Variants in FAM241A observed in about 807,000 individuals in gnomAD.
FAM241A encodes the protein uncharacterized protein FAM241A.
In FAM241A, 7 loss-of-function variants were observed where a neutral mutation model predicts 12.2. The observed-to-expected ratio is 0.58, with a 90% CI of 0.33 to 1.08. The LOEUF is 1.08. FAM241A is among the 50% of genes least tolerant of loss of function. The probability of loss-of-function intolerance (pLI) is 0.04; values close to 1 mark genes in which losing one functional copy is unlikely to be tolerated. For missense variants in FAM241A, 161 were observed against 169.7 expected (o/e 0.95, Z 0.29); for synonymous variants, 74 against 68.2 (o/e 1.08, Z -0.42).
At position 112,188,484 on chromosome 4, in the gene FAM241A, G is replaced by A. The variant is rs1014100792; in HGVS notation, c.*1546G>A. 1.3e-5 allele frequency: 2 copies of A among 152,128 alleles called. No individual in the cohort carries two copies. Among genetic ancestry groups the A allele is most frequent in the African/African-American group, 4.8e-5 (2 of 41,442 alleles). 9.4% of individuals were successfully genotyped at this position (152,128 alleles called of 1,614,324 possible). ...AGTATTGCACATTTATATAAATACAGTCCTTTTAAAATTTGACTTTTAAAA... is the reference window on the plus strand; with the variant it reads ...AGTATTGCACATTTATATAAATACAATCCTTTTAAAATTTGACTTTTAAAA... On this transcript the variant is annotated 3_prime_UTR_variant, in exon 2 of 2. Transcript: ENST00000309733.
intron 1 of FAM241A, among the ~76,000 whole-genome samples, chr4:112,179,520 G>A (rs937397109): frequency 6.6e-6 from 1 of 151,804 alleles, no homozygotes; most frequent in Non-Finnish European, 1.5e-5. Flanking sequence ...AGAACACTTG[G>A]ACACAGGAAG....
At chr4:112,164,050 T>C (rs936959872) in intron 1 of FAM241A, among the ~76,000 whole-genome samples, 2 of 138,378 alleles carry the variant, frequency 1.4e-5, no homozygotes, top group African/African-American at 5.5e-5. Flanking sequence ...CACTCATAGG[T>C]GGGAATTGAA....
chr4:112,194,517 C>T lies in FAM241A; in HGVS notation c.*7579C>T, dbSNP rs1305429688. On this transcript the variant is annotated 3_prime_UTR_variant, in exon 2 of 2. Transcript: ENST00000309733. ...AGATAGCTCTTATTATTTTGAGATA[C>T]GTCCCATCAATACCTGATTTATTGA... is the stretch of plus-strand genomic sequence containing the variant. 5 of 151,768 alleles carry T rather than the reference C, an allele frequency of 3.3e-5. No homozygotes were observed. The highest frequency in any genetic ancestry group is 2.1e-4 in the South Asian group (1 of 4,786). 9.4% of individuals were successfully genotyped at this position (151,768 alleles called of 1,614,324 possible).
intron 1 of FAM241A, among the ~76,000 whole-genome samples, chr4:112,148,573 A>G (rs893636729): frequency 6.6e-6 from 1 of 152,208 alleles, no homozygotes; most frequent in Non-Finnish European, 1.5e-5. Context: ...GGGAGAATGA[A>G]TCAAGTCCTG....
intron 1 of FAM241A, among the ~76,000 whole-genome samples, chr4:112,148,726 G>A (rs910079931): frequency 6.6e-6 from 1 of 152,226 alleles, no homozygotes; most frequent in Non-Finnish European, 1.5e-5. Context: ...GTAATTGTGT[G>A]TATGAGAGAT....
chr4:112,178,870 G>GA (rs1200593516), intron 1 of FAM241A, among the ~76,000 whole-genome samples: 1 of 151,990 alleles, frequency 6.6e-6, no homozygotes, highest in Non-Finnish European at 1.5e-5. Flanking sequence ...AAGCGGCCAT[G>GA]AAAAAATGCT....
intron 1 of FAM241A, among the ~76,000 whole-genome samples, chr4:112,180,197 T>G (rs950996210): frequency 6.6e-6 from 1 of 151,836 alleles, no homozygotes; most frequent in Non-Finnish European, 1.5e-5. Flanking sequence ...CACTGGGGAC[T>G]ACTGGAGGGT....
At chr4:112,155,928 T>A (rs2110421831) in intron 1 of FAM241A, among the ~76,000 whole-genome samples, 1 of 152,288 alleles carries the variant, frequency 6.6e-6, no homozygotes, top group South Asian at 2.1e-4. Flanking sequence ...TACTTTAAGA[T>A]GTACAAATTG....
At chr4:112,162,346 A>G (rs865953075) in intron 1 of FAM241A, among the ~76,000 whole-genome samples, 1 of 152,304 alleles carries the variant, frequency 6.6e-6, no homozygotes, top group Non-Finnish European at 1.5e-5. Context: ...AGGGTATTCA[A>G]TTAGGAAAAG....
chr4:112,147,373 A>G (rs1358712466), intron 1 of FAM241A, among the ~76,000 whole-genome samples: 1 of 152,242 alleles, frequency 6.6e-6, no homozygotes, highest in Non-Finnish European at 1.5e-5. Context: ...CAATAATTGA[A>G]AATCACACCG....
rs190782048 is a variant in FAM241A at position 112,188,255 on chromosome 4, A to G, written c.*1317A>G. The G allele has an allele frequency of 5.3e-5, 8 of 152,280 alleles. No individual in the cohort carries two copies. Among genetic ancestry groups the G allele is most frequent in the African/African-American group, 1.9e-4 (8 of 41,592 alleles). 9.4% of individuals were successfully genotyped at this position (152,280 alleles called of 1,614,324 possible). ...ATTTCAGAAATTGGGGCAGTCAGGC[A>G]TTTGTATCTTTGGTAGGGCAACAAG... On this transcript the variant is annotated 3_prime_UTR_variant, in exon 2 of 2. Transcript: ENST00000309733.
intron 1 of FAM241A, among the ~76,000 whole-genome samples, chr4:112,165,413 AAAAG>A (rs1327772395): frequency 6.6e-6 from 1 of 152,182 alleles, no homozygotes; most frequent in Non-Finnish European, 1.5e-5. Context: ...GTATATCTCC[AAAAG>A]AAAGGAAATT....
At chr4:112,182,356 T>C (rs142461524) in intron 1 of FAM241A, among the ~76,000 whole-genome samples, 26 of 152,324 alleles carry the variant, frequency 1.7e-4, no homozygotes, top group African/African-American at 5.8e-4. Context: ...TTGTTACTTG[T>C]AGTAGTTTTG....
At chr4:112,169,428 G>A (rs898710905) in intron 1 of FAM241A, among the ~76,000 whole-genome samples, 2 of 152,168 alleles carry the variant, frequency 1.3e-5, no homozygotes, top group Admixed American at 6.5e-5. Context: ...ATACTTGCGT[G>A]CATGAATAAG....
Position 112,192,601 on chromosome 4 carries a change from G to A in FAM241A, c.*5663G>A. On this transcript the variant is annotated 3_prime_UTR_variant, in exon 2 of 2. Coordinates refer to ENST00000309733, the MANE Select transcript of FAM241A (RefSeq NM_152400.3). ...TATGAGTGAGAACATGTGGTGTTTG[G>A]TTTTTTGTCCTTGCGATAGTTTACT... is the stretch of plus-strand genomic sequence containing the variant. The A allele has an allele frequency of 6.7e-6, 1 of 150,070 alleles. No homozygotes were observed. 9.3% of individuals were successfully genotyped at this position (150,070 alleles called of 1,614,324 possible). A position where few individuals can be genotyped will look rare whatever the true frequency, so the allele number is the denominator to read the frequency against.
At position 112,194,389 on chromosome 4, in the gene FAM241A, A is replaced by T. The variant is rs1724225627; in HGVS notation, c.*7451A>T. The T allele has an allele frequency of 1.3e-5, 2 of 151,636 alleles. No individual in the cohort carries two copies. Among genetic ancestry groups the T allele is most frequent in the Admixed American group, 6.6e-5 (1 of 15,234 alleles). 9.4% of individuals were successfully genotyped at this position (151,636 alleles called of 1,614,324 possible). A position where few individuals can be genotyped will look rare whatever the true frequency, so the allele number is the denominator to read the frequency against. Reference sequence around the variant, plus strand: ...GGCCAGAACTTCCAACACTATGTTGAATAGGAGTGGTGAGAGAGGGCATCC... The same window carrying T: ...GGCCAGAACTTCCAACACTATGTTGTATAGGAGTGGTGAGAGAGGGCATCC... On this transcript the variant is annotated 3_prime_UTR_variant, in exon 2 of 2. Coordinates refer to ENST00000309733, the MANE Select transcript of FAM241A (RefSeq NM_152400.3).
intron 1 of FAM241A, among the ~76,000 whole-genome samples, chr4:112,158,863 C>G (rs1014938717): frequency 6.6e-6 from 1 of 152,062 alleles, no homozygotes; most frequent in African/African-American, 2.4e-5. Context: ...TCTCTTCTAG[C>G]TTTTTTGAAA....
chr4:112,171,915 AT>A (rs946910991), intron 1 of FAM241A, among the ~76,000 whole-genome samples: 36 of 152,340 alleles, frequency 2.4e-4, no homozygotes, highest in African/African-American at 8.4e-4. Context: ...AAAAAGTATT[AT>A]TTTTGCTGAT....
chr4:112,167,128 T>A (rs201985654), intron 1 of FAM241A, among the ~76,000 whole-genome samples: 46 of 148,998 alleles, frequency 3.1e-4, no homozygotes, highest in South Asian at 1.3e-3. Flanking sequence ...AAAAAAAAAA[T>A]AAAAATAAAA....
Sources: allele counts gnomAD v4.1 joint callset (sites outside exome capture counted in the v4.1 genomes callset), GRCh38; gene constraint gnomAD v4.1.1; transcripts MANE v1.5; gene names NCBI Gene and HGNC (gene_info 2026-07-23, HGNC 2026-07-21).